Variants in FBXO28 observed in about 807,000 individuals in gnomAD.
FBXO28 encodes F-box protein 28.
A neutral mutation model predicts 38.1 loss-of-function variants in FBXO28; 8 were observed. The ratio of observed to expected loss-of-function variants is 0.21; its 90% CI spans 0.12 to 0.38. The LOEUF is 0.38. Among genes scored for constraint, FBXO28 ranks in the 10% least tolerant of loss-of-function variants. The pLI, the probability that FBXO28 is intolerant of heterozygous loss-of-function variation, is 1.00. For synonymous variants in FBXO28, 168 were observed against 173.8 expected, an observed-to-expected ratio of 0.97 and a Z score of 0.26; for missense variants, 345 against 460.6, an observed-to-expected ratio of 0.75 and a Z score of 2.30.
At chr1:224,120,863 CAAA>C (rs5781347) in intron 1 of FBXO28, among the ~76,000 whole-genome samples, 35 of 118,952 alleles carry the variant, frequency 2.9e-4, no homozygotes, top group Non-Finnish European at 4.2e-4. Flanking sequence ...AACTCCATCT[CAAA>C]AAAAAAAAAA....
chr1:224,145,275 C>A, intron 3 of FBXO28, among the ~76,000 whole-genome samples: 1 of 94,318 alleles, frequency 1.1e-5, no homozygotes, highest in Non-Finnish European at 1.9e-5. Context: ...GCCTGGGCAA[C>A]AGAGCAAGAC....
chr1:224,124,683 A>T (rs990025574), intron 1 of FBXO28, among the ~76,000 whole-genome samples: 1 of 152,096 alleles, frequency 6.6e-6, no homozygotes, highest in African/African-American at 2.4e-5. Flanking sequence ...TCCAGATGTG[A>T]CTTCTTTCTG....
At chr1:224,130,603 C>A in intron 2 of FBXO28, 22 bp downstream of exon 2, 2 of 1,483,528 alleles carry the variant, frequency 1.3e-6, no homozygotes, top group Middle Eastern at 1.7e-4. Context: ...GTGGCAATGA[C>A]AATGATGTAC....
intron 3 of FBXO28, among the ~76,000 whole-genome samples, chr1:224,136,220 GT>G (rs1657182398): frequency 7.2e-6 from 1 of 139,686 alleles, no homozygotes; most frequent in Non-Finnish European, 1.5e-5. Context: ...TATTTGGATT[GT>G]TTTATGAGTG....
At chr1:224,132,006 A>G (rs60172546) in intron 2 of FBXO28, among the ~76,000 whole-genome samples, 5,852 of 152,214 alleles carry the variant, frequency 0.038, 342 homozygotes, top group African/African-American at 0.13. Context: ...TAATCCCAGC[A>G]TGTTGGGGGA....
chr1:224,150,001 A>G (rs970933975), intron 3 of FBXO28, among the ~76,000 whole-genome samples: 1 of 152,226 alleles, frequency 6.6e-6, no homozygotes, highest in Admixed American at 6.5e-5. Context: ...CTATAGATGC[A>G]ACATATTAGC....
chr1:224,157,832 T>C lies in FBXO28; in HGVS notation c.*86T>C. ...TATCAGGATACTGTGAGCAACATGG[T>C]GTCCCTTAAGCTTCTAGGCTTTCAG... On this transcript the variant is annotated 3_prime_UTR_variant, in exon 5 of 5. Transcript: ENST00000366862. The C allele has an allele frequency of 6.7e-7, 1 of 1,493,080 alleles. No individual in the cohort carries two copies. The highest frequency in any genetic ancestry group is 8.9e-7 in the Non-Finnish European group (1 of 1,126,144). The allele number at this position is 1,493,080 out of a possible 1,614,324, so 92.5% of individuals were successfully genotyped here. A position where few individuals can be genotyped will look rare whatever the true frequency, so the allele number is the denominator to read the frequency against.
chr1:224,129,220 A>C (rs1572010789), intron 1 of FBXO28, among the ~76,000 whole-genome samples: 1 of 152,024 alleles, frequency 6.6e-6, no homozygotes, highest in Non-Finnish European at 1.5e-5. Flanking sequence ...CATGCCTGTA[A>C]TCCTAGCTAC....
chr1:224,135,887 T>G (rs1428107486), intron 3 of FBXO28, among the ~76,000 whole-genome samples: 2 of 151,612 alleles, frequency 1.3e-5, no homozygotes, highest in African/African-American at 4.8e-5. Context: ...ATACGAAAAT[T>G]AGCTGGGCAT....
chr1:224,139,073 G>C (rs1294153383), intron 3 of FBXO28, among the ~76,000 whole-genome samples: 2 of 151,804 alleles, frequency 1.3e-5, no homozygotes, highest in Non-Finnish European at 1.5e-5. Context: ...GTGAGCCACT[G>C]CGCCCAGCCC....
chr1:224,156,316 G>A (rs1657771570), intron 4 of FBXO28, among the ~76,000 whole-genome samples: 1 of 152,112 alleles, frequency 6.6e-6, no homozygotes, highest in Admixed American at 6.6e-5. Context: ...ATTCTCTGTG[G>A]TCATAATGTA....
chr1:224,154,811 CA>C lies in FBXO28; in HGVS notation c.712+1491del, dbSNP rs35624285. ...TGGGTGACAGTGCGAGACTCCGTCT[CA>C]AAAAAAAAAAAAAAAATTAGCCAAG... On this transcript the variant is annotated intron_variant, in intron 4 of 4. Coordinates refer to ENST00000366862, the MANE Select transcript of FBXO28 (RefSeq NM_015176.4). Among the ~76,000 whole-genome samples, 314 of 118,690 alleles carry C rather than the reference CA, an allele frequency of 2.6e-3. 1 individual carries two copies. The highest frequency in any genetic ancestry group is 0.011 in the East Asian group (42 of 3,888). The allele number at this position is 118,690 out of a possible 152,430, so 77.9% of individuals were successfully genotyped here.
rs563850501 is a variant in FBXO28, at chr1:224,155,325, C to G, written c.712+1988C>G. On this transcript the variant is annotated intron_variant, in intron 4 of 4. Transcript: ENST00000366862. ...GGATTACAGGCGTGTGCCACCACGC[C>G]TGGCTAATTTTTGTATTTTTTAGTA... Among the ~76,000 whole-genome samples, 6 of 152,154 alleles carry G rather than the reference C, an allele frequency of 3.9e-5. No individual in the cohort carries two copies. In the East Asian group the frequency reaches 1.2e-3, roughly 30 times the overall value.
At position 224,128,214 on chromosome 1, in the gene FBXO28, A is replaced by G. The variant is rs116988608; in HGVS notation, c.268-2258A>G. Among the ~76,000 whole-genome samples the G allele has an allele frequency of 2.7e-3, 190 of 71,534 alleles. 2 individuals are homozygous for G. The East Asian group carries it at 0.062, about 24-fold the overall frequency. The allele number at this position is 71,534 out of a possible 152,430, so 46.9% of individuals were successfully genotyped here. ...GGAAAGAAGCATAAGACAGATCCTA[A>G]CTGTCCATGTCTTTTTTTATTATTA... On this transcript the variant is annotated intron_variant, in intron 1 of 4. Coordinates refer to ENST00000366862, the MANE Select transcript of FBXO28 (RefSeq NM_015176.4).
intron 3 of FBXO28, among the ~76,000 whole-genome samples, chr1:224,151,780 C>T (rs963418431): frequency 2.0e-5 from 3 of 152,114 alleles, no homozygotes; most frequent in Non-Finnish European, 4.4e-5. Context: ...TGGTGGCTCA[C>T]ACCTGTAATC....
At chr1:224,140,627 AT>A (rs1558193072) in intron 3 of FBXO28, among the ~76,000 whole-genome samples, 1 of 152,188 alleles carries the variant, frequency 6.6e-6, no homozygotes, top group Non-Finnish European at 1.5e-5. Context: ...TTTAAAAAAA[AT>A]AAAAGTCTGT....
intron 3 of FBXO28, among the ~76,000 whole-genome samples, chr1:224,136,630 A>T (rs1657194385): frequency 6.6e-6 from 1 of 150,954 alleles, no homozygotes. Context: ...CGGGAGGCTG[A>T]GGCAGGAGAA....
chr1:224,117,418 T>C (rs1308182660), intron 1 of FBXO28, among the ~76,000 whole-genome samples: 1 of 151,582 alleles, frequency 6.6e-6, no homozygotes, highest in African/African-American at 2.4e-5. Flanking sequence ...TCCACCCACC[T>C]AGGCCTGAAT....
intron 1 of FBXO28, among the ~76,000 whole-genome samples, chr1:224,129,205 T>C (rs550711604): frequency 2.0e-5 from 3 of 152,250 alleles, no homozygotes; most frequent in Non-Finnish European, 4.4e-5. Flanking sequence ...CTGGGCGTGG[T>C]GGCACATGCC....
Sources: gnomAD v4.1 joint callset for allele counts (sites outside exome capture counted in the v4.1 genomes callset) on GRCh38, gnomAD v4.1.1 for gene constraint, MANE v1.5 for transcripts, NCBI Gene and HGNC (gene_info 2026-07-23, HGNC 2026-07-21) for gene names.